ZNF143: variants seen among roughly 807,000 people sequenced by gnomAD.
ZNF143 encodes SPH-binding factor.
Under a neutral mutation model 74.1 loss-of-function variants are expected in ZNF143, and 49 were observed. The ratio of observed to expected loss-of-function variants is 0.66; its 90% CI spans 0.53 to 0.84. The LOEUF is 0.84. Among genes scored for constraint, ZNF143 ranks in the 40% least tolerant of loss-of-function variants. The pLI is 0.00. For missense variants in ZNF143, 637 were observed against 793.4 expected, an observed-to-expected ratio of 0.80 and a Z score of 2.37; for synonymous variants, 304 against 282.8, an observed-to-expected ratio of 1.07 and a Z score of -0.75.
At chr11:9,467,857 A>G (rs546792204) in intron 1 of ZNF143, among the ~76,000 whole-genome samples, 2 of 151,832 alleles carry the variant, frequency 1.3e-5, no homozygotes, top group East Asian at 3.9e-4. Flanking sequence ...AAAAAAAAAA[A>G]AAAAAAAAAG....
chr11:9,494,060 T>G (rs1353984300), intron 7 of ZNF143, among the ~76,000 whole-genome samples: 1 of 152,178 alleles, frequency 6.6e-6, no homozygotes, highest in African/African-American at 2.4e-5. Flanking sequence ...CCAGTGAAGA[T>G]GCTACTTAGG....
chr11:9,490,075 G>A (rs139166301), intron 7 of ZNF143, among the ~76,000 whole-genome samples: 6 of 151,810 alleles, frequency 4.0e-5, no homozygotes, highest in Admixed American at 6.6e-5. Flanking sequence ...TCCTAACTAC[G>A]TGGGAGGCTG....
At chr11:9,483,778 T>G (rs1590546027) in intron 7 of ZNF143, among the ~76,000 whole-genome samples, 1 of 134,682 alleles carries the variant, frequency 7.4e-6, no homozygotes, top group African/African-American at 2.9e-5. Flanking sequence ...TGAGATGGAG[T>G]CTCACTCTGT....
At chr11:9,522,084 A>G (rs1245651901) in intron 14 of ZNF143, among the ~76,000 whole-genome samples, 1 of 151,612 alleles carries the variant, frequency 6.6e-6, no homozygotes, top group Non-Finnish European at 1.5e-5. Flanking sequence ...AAAAAAAAAA[A>G]GTCAGTGGAA....
intron 14 of ZNF143, among the ~76,000 whole-genome samples, chr11:9,523,222 G>A (rs78407210): frequency 0.05 from 7,666 of 152,076 alleles, 264 homozygotes; most frequent in Non-Finnish European, 0.075. Flanking sequence ...ACTTTGTTAA[G>A]GCAGGTCTGT....
intron 7 of ZNF143, among the ~76,000 whole-genome samples, chr11:9,486,448 T>TATA (rs1554964486): frequency 1.5e-4 from 8 of 55,162 alleles, no homozygotes; most frequent in East Asian, 5.1e-4. Flanking sequence ...TAATATATTA[T>TATA]ATATATTATA....
chr11:9,503,160 T>C lies in ZNF143; in HGVS notation c.1147+1890T>C, dbSNP rs116084981. On this transcript the variant is annotated intron_variant, in intron 11 of 15. Coordinates refer to ENST00000396602, the MANE Select transcript of ZNF143 (RefSeq NM_003442.6). ...TAATGTTTTTGAAGTTCAACCATGT[T>C]GTAGCAACTTTTAAATTCTTTCTTT... Among the ~76,000 whole-genome samples the C allele has an allele frequency of 7.2e-3, 1,100 of 152,346 alleles. 14 individuals are homozygous for C. The highest frequency in any genetic ancestry group is 0.025 in the African/African-American group (1,042 of 41,584).
chr11:9,484,997 C>A (rs190821951), intron 7 of ZNF143, among the ~76,000 whole-genome samples: 5 of 149,522 alleles, frequency 3.3e-5, no homozygotes, highest in Non-Finnish European at 4.4e-5. Flanking sequence ...CAGGGTTTCA[C>A]TGTGTTAGCC....
At chr11:9,511,826 A>G (rs1848560011) in intron 12 of ZNF143, among the ~76,000 whole-genome samples, 1 of 137,704 alleles carries the variant, frequency 7.3e-6, no homozygotes, top group South Asian at 2.2e-4. Context: ...ATCTCGGCTC[A>G]CTGCAACCTC....
At chr11:9,521,686 T>C (rs1243105833) in intron 14 of ZNF143, among the ~76,000 whole-genome samples, 2 of 152,288 alleles carry the variant, frequency 1.3e-5, no homozygotes, top group South Asian at 2.1e-4. Context: ...AGTTTTGTTT[T>C]TGTAAGTTTG....
chr11:9,467,514 G>T (rs1349655156), intron 1 of ZNF143, among the ~76,000 whole-genome samples: 2 of 151,990 alleles, frequency 1.3e-5, no homozygotes, highest in African/African-American at 4.8e-5. Context: ...GGGATTATAG[G>T]TGTGAGCCAC....
At chr11:9,475,910 A>ATATATATATG (rs370474107) in intron 5 of ZNF143, among the ~76,000 whole-genome samples, 4 of 137,288 alleles carry the variant, frequency 2.9e-5, no homozygotes, top group Non-Finnish European at 6.2e-5. Flanking sequence ...AAAAATATAT[A>ATATATATATG]TGTGTGTGTG....
Position 9,504,064 on chromosome 11 carries a change from A to G in ZNF143, c.1147+2794A>G, listed in dbSNP as rs572721423. On this transcript the variant is annotated intron_variant, in intron 11 of 15. Transcript: ENST00000396602. ...ACCCTCCACCTCCCACGTTCAAGCA[A>G]TTCTTCTGCCTCAGCCCCCACAAGT... 2.1e-5 allele frequency among the ~76,000 whole-genome samples: 3 copies of G among 144,204 alleles called. No individual in the cohort carries two copies. The South Asian group carries it at 6.5e-4, about 31-fold the overall frequency. 94.6% of individuals were successfully genotyped at this position (144,204 alleles called of 152,430 possible).
chr11:9,479,077 AT>A (rs35778859), intron 6 of ZNF143, among the ~76,000 whole-genome samples: 49,526 of 150,936 alleles, frequency 0.33, 9,759 homozygotes, highest in Non-Finnish European at 0.44. Context: ...AAAAGAGCTG[AT>A]TTTTTTTTTC....
chr11:9,486,559 T>C (rs1400565031), intron 7 of ZNF143, among the ~76,000 whole-genome samples: 4 of 136,324 alleles, frequency 2.9e-5, no homozygotes, highest in Non-Finnish European at 4.6e-5. Context: ...CTCCAGTTCC[T>C]TTTTCTGTGT....
At chr11:9,467,183 C>T (rs1165583119) in intron 1 of ZNF143, among the ~76,000 whole-genome samples, 3 of 150,564 alleles carry the variant, frequency 2.0e-5, no homozygotes, top group East Asian at 2.0e-4. Context: ...TGAGCCACTG[C>T]GCCCTGGCCA....
chr11:9,462,260 C>CT (rs67444530), intron 1 of ZNF143, among the ~76,000 whole-genome samples: 13,296 of 144,308 alleles, frequency 0.092, 716 homozygotes, highest in Admixed American at 0.12. Context: ...ACTTGAGTGC[C>CT]TTTTTTTTTT....
rs1361657521 is a variant in ZNF143, at chr11:9,501,111, C to T, written c.988C>T (p.Pro330Ser). The part of the protein sequence containing the change: ...THTGERPFKC[P>S]FEGCGRSFTT... ...TGCAGGAGAAAGGCCCTTTAAGTGT[C>T]CCTTCGAAGGCTGCGGTCGGTCCTT... is the stretch of plus-strand genomic sequence containing the variant. Residue 330 changes from proline to serine, a missense_variant, in exon 11 of 16, where the codon CCC becomes TCC. Pro to Ser is a moderately conservative substitution (Grantham distance 74). Around this residue, in one of 2 missense-constraint regions of ZNF143, gnomAD observed 344 missense variants for 485.6 expected, o/e 0.71. Transcript: ENST00000396602. 6.2e-7 allele frequency: 1 copy of T among 1,614,132 alleles called. No individual in the cohort carries two copies. Among genetic ancestry groups the T allele is most frequent in the South Asian group, 1.1e-5 (1 of 91,076 alleles).
At chr11:9,507,443 A>G (rs1848403756) in intron 11 of ZNF143, among the ~76,000 whole-genome samples, 1 of 152,146 alleles carries the variant, frequency 6.6e-6, no homozygotes, top group African/African-American at 2.4e-5. Context: ...TCCATCTAAA[A>G]TAGTTTCAGA....
Sources: gnomAD v4.1 joint callset for allele counts (sites outside exome capture counted in the v4.1 genomes callset) on GRCh38, gnomAD v4.1.1 for gene constraint, gnomAD v4.1.1 regional missense constraint, MANE v1.5 for transcripts, NCBI Gene and HGNC (gene_info 2026-07-23, HGNC 2026-07-21) for gene names.